Variants in IQCH observed in about 807,000 individuals in gnomAD.
IQCH encodes IQ motif containing H, also known as IQ domain-containing protein H.
A neutral mutation model predicts 117.0 loss-of-function variants in IQCH; 98 were observed. The observed-to-expected ratio is 0.84, with a 90% confidence interval of 0.71 to 0.99. The LOEUF (loss-of-function observed/expected upper bound fraction) is 0.99. IQCH is among the 50% of genes least tolerant of loss of function. The pLI, the probability that IQCH is intolerant of heterozygous loss-of-function variation, is 0.00. For synonymous variants in IQCH, 412 were observed against 448.2 expected (o/e 0.92, Z 1.02); for missense variants, 1,102 against 1,243.8 (o/e 0.89, Z 1.72).
chr15:67,266,819 T>C (rs541395578), intron 3 of IQCH, among the ~76,000 whole-genome samples: 30 of 152,334 alleles, frequency 2.0e-4, no homozygotes, highest in African/African-American at 7.2e-4. Flanking sequence ...CATCATCATT[T>C]TTACTTTCTA....
chr15:67,357,190 A>G (rs1248703142), intron 6 of IQCH, among the ~76,000 whole-genome samples, 155 bp from the exon 7 acceptor site: 3 of 152,230 alleles, frequency 2.0e-5, no homozygotes, highest in Non-Finnish European at 2.9e-5. Flanking sequence ...GTCAGTGATC[A>G]TAGCTGTTTC....
At chr15:67,435,003 T>G (rs1334266209) in intron 16 of IQCH, among the ~76,000 whole-genome samples, 1 of 145,796 alleles carries the variant, frequency 6.9e-6, no homozygotes, top group African/African-American at 2.5e-5. Context: ...TTTTTAATTT[T>G]TTTTAATTTT....
At chr15:67,323,605 A>G (rs1281858939) in intron 4 of IQCH, among the ~76,000 whole-genome samples, 2 of 152,108 alleles carry the variant, frequency 1.3e-5, no homozygotes, top group Non-Finnish European at 2.9e-5. Context: ...CTTTTAAACT[A>G]TACCTCTTCA....
rs577339572 is a variant in IQCH at position 67,473,209 on chromosome 15, G to A, written c.2677-2487G>A. Among the ~76,000 whole-genome samples the A allele has an allele frequency of 6.6e-6, 1 of 152,296 alleles. No homozygotes were observed. Among genetic ancestry groups the A allele is most frequent in the Admixed American group, 6.5e-5 (1 of 15,308 alleles). Reference sequence around the variant, plus strand: ...TCAGTAACCACAATGGAATTTGAGAGTGTTTACAGTTCACTTCCATGTGCA... The same window carrying A: ...TCAGTAACCACAATGGAATTTGAGAATGTTTACAGTTCACTTCCATGTGCA... On this transcript the variant is annotated intron_variant, in intron 17 of 20. Transcript: ENST00000335894. This position sits in a 1 kb window ranked among gnomAD's most constrained non-coding sequence, Gnocchi z 4.9.
chr15:67,459,087 G>A lies in IQCH; in HGVS notation c.2506-6040G>A, dbSNP rs369565549. Among the ~76,000 whole-genome samples, 10 of 152,160 alleles carry A rather than the reference G, an allele frequency of 6.6e-5. No individual in the cohort carries two copies. Among genetic ancestry groups the A allele is most frequent in the East Asian group, 3.8e-4 (2 of 5,202 alleles). ...TGATTAGTTAAGGAAAGTGTGGCCC[G>A]GAGAGGCAACTTCTTTTGGGTCACA... is the stretch of plus-strand genomic sequence containing the variant. On this transcript the variant is annotated intron_variant, in intron 16 of 20. Transcript: ENST00000335894. This position sits in a 1 kb window ranked among gnomAD's most constrained non-coding sequence, Gnocchi z 4.2.
chr15:67,372,765 T>A, intron 9 of IQCH, 103 bp downstream of exon 9: 1 of 981,818 alleles, frequency 1.0e-6, no homozygotes. Flanking sequence ...TCTTTCCAAC[T>A]ACTCTCCTTG....
rs899399969 is a variant in IQCH, at chr15:67,391,813, G to A, written c.1632+2807G>A. ...GAACACAATACTGTGGCAGCATCTT[G>A]CCTGGAGTCTAGGGCATGCCCGCAG... On this transcript the variant is annotated intron_variant, in intron 12 of 20. Coordinates refer to ENST00000335894, the MANE Select transcript of IQCH (RefSeq NM_001031715.3). This position sits in a 1 kb window ranked among gnomAD's most constrained non-coding sequence, Gnocchi z 4.3. 6.6e-6 allele frequency among the ~76,000 whole-genome samples: 1 copy of A among 152,150 alleles called. No homozygotes were observed. The highest frequency in any genetic ancestry group is 2.1e-4 in the South Asian group (1 of 4,828).
At position 67,416,552 on chromosome 15, in the gene IQCH, A is replaced by T. The variant is rs1042945363; in HGVS notation, c.2098-379A>T. Among the ~76,000 whole-genome samples the T allele has an allele frequency of 6.6e-6, 1 of 151,946 alleles. No individual in the cohort carries two copies. Among genetic ancestry groups the T allele is most frequent in the Admixed American group, 6.6e-5 (1 of 15,236 alleles). On this transcript the variant is annotated intron_variant, in intron 14 of 20. Transcript: ENST00000335894. The surrounding 1 kb of genome is among the most constrained non-coding windows in gnomAD (Gnocchi z 5.1). The stretch of plus-strand genomic sequence containing the variant: ...AAGAAAAAACAAAAAACAAAAACAA[A>T]AAAAACAGTTAACCCCACATTTTAT...
At chr15:67,277,190 C>T (rs1966158233) in intron 3 of IQCH, among the ~76,000 whole-genome samples, 1 of 152,230 alleles carries the variant, frequency 6.6e-6, no homozygotes, top group African/African-American at 2.4e-5. Flanking sequence ...TCTCTGCTTA[C>T]ATTACCCATC....
Position 67,381,305 on chromosome 15 carries a change from G to A in IQCH, c.1373-3631G>A, listed in dbSNP as rs150648949. Among the ~76,000 whole-genome samples the A allele has an allele frequency of 6.3e-4, 96 of 152,336 alleles. No individual in the cohort carries two copies. The highest frequency in any genetic ancestry group is 2.1e-3 in the African/African-American group (89 of 41,580). ...CCAGTAACCCTTGATGAGCAACCTT[G>A]GTTCAGTGGGGGACCAGAAGTAGTA... On this transcript the variant is annotated intron_variant, in intron 10 of 20. Transcript: ENST00000335894. This position sits in a 1 kb window ranked among gnomAD's most constrained non-coding sequence, Gnocchi z 5.1.
intron 4 of IQCH, among the ~76,000 whole-genome samples, chr15:67,298,783 A>G (rs549390215): frequency 1.4e-4 from 22 of 152,068 alleles, no homozygotes; most frequent in African/African-American, 5.3e-4. Context: ...CAAGAATCAC[A>G]TGAACCCGGG....
Position 67,366,171 on chromosome 15 carries a change from C to T in IQCH, c.754-5940C>T, listed in dbSNP as rs2140768490. ...TGTCTTTGCTCAGAGATCTGGGAAT[C>T]CAGGCTGCTTTTGATTCCCATCCTG... On this transcript the variant is annotated intron_variant, in intron 8 of 20. Transcript: ENST00000335894. This position sits in a 1 kb window ranked among gnomAD's most constrained non-coding sequence, Gnocchi z 4.4. Among the ~76,000 whole-genome samples, 1 of 152,256 alleles carries T rather than the reference C, an allele frequency of 6.6e-6. No individual in the cohort carries two copies.
rs570383463 is a variant in IQCH at position 67,475,612 on chromosome 15, G to A, written c.2677-84G>A. The A allele has an allele frequency of 1.5e-4, 184 of 1,252,834 alleles. No individual in the cohort carries two copies. In the African/African-American group the frequency reaches 1.6e-3, roughly 11 times the overall value. 77.6% of individuals were successfully genotyped at this position (1,252,834 alleles called of 1,614,324 possible). ...TATAGGAACTCTCAGAATTATCTTC[G>A]CAATTTTCCTGTTAATCTCAAGTAT... is the stretch of plus-strand genomic sequence containing the variant. On this transcript the variant is annotated intron_variant, in intron 17 of 20. Transcript: ENST00000335894. This position sits in a 1 kb window ranked among gnomAD's most constrained non-coding sequence, Gnocchi z 5.7.
rs1970466255 is a variant in IQCH at position 67,369,917 on chromosome 15, C to T, written c.754-2194C>T. 6.6e-6 allele frequency among the ~76,000 whole-genome samples: 1 copy of T among 152,198 alleles called. No homozygotes were observed. The highest frequency in any genetic ancestry group is 2.1e-4 in the South Asian group (1 of 4,830). ...TTAGCTGACTCCAAACCGATAGCTT[C>T]CCAGTGCCTGAGTGGTCTGTTTGAT... On this transcript the variant is annotated intron_variant, in intron 8 of 20. Coordinates refer to ENST00000335894, the MANE Select transcript of IQCH (RefSeq NM_001031715.3). The surrounding 1 kb of genome is among the most constrained non-coding windows in gnomAD (Gnocchi z 5.2).
At position 67,340,852 on chromosome 15, in the gene IQCH, G is replaced by C. The variant is rs567192366; in HGVS notation, c.509-3211G>C. ...GAGATAAGGAACTTCCTGAATTACA[G>C]ATACAAAGACATACAGATAGAGTGT... On this transcript the variant is annotated intron_variant, in intron 5 of 20. Coordinates refer to ENST00000335894, the MANE Select transcript of IQCH (RefSeq NM_001031715.3). Among the ~76,000 whole-genome samples, 81 of 152,280 alleles carry C rather than the reference G, an allele frequency of 5.3e-4. 3 individuals are homozygous for C. In the South Asian group the frequency reaches 0.016, roughly 30 times the overall value.
At chr15:67,483,875 G>C (rs1462035508) in intron 18 of IQCH, among the ~76,000 whole-genome samples, 2 of 152,106 alleles carry the variant, frequency 1.3e-5, no homozygotes, top group Non-Finnish European at 2.9e-5. Flanking sequence ...AAATCCAGAG[G>C]AAAAATATAA....
intron 14 of IQCH, among the ~76,000 whole-genome samples, chr15:67,400,684 G>C (rs999236398): frequency 6.6e-6 from 1 of 150,378 alleles, no homozygotes; most frequent in African/African-American, 2.4e-5. Flanking sequence ...TTATTGGGAC[G>C]GGGAGGGTCT....
rs910467603 is a variant in IQCH at position 67,431,680 on chromosome 15, GAATA to G, written c.2505+10104_2505+10107del. On this transcript the variant is annotated intron_variant, in intron 16 of 20. Transcript: ENST00000335894. The surrounding 1 kb of genome is among the most constrained non-coding windows in gnomAD (Gnocchi z 4.8). Reference sequence around the variant, plus strand: ...TGTTCTTTATATTTCACAGGAAATTGAATAGATATAAGGTTCATTAATTATCATA... The same window carrying G: ...TGTTCTTTATATTTCACAGGAAATTGGATATAAGGTTCATTAATTATCATA... Among the ~76,000 whole-genome samples the G allele has an allele frequency of 2.0e-5, 3 of 152,072 alleles. No homozygotes were observed. Among genetic ancestry groups the G allele is most frequent in the African/African-American group, 7.2e-5 (3 of 41,400 alleles).
In IQCH at chr15:67,308,689, G is replaced by A. The variant is rs146433139; in HGVS notation, c.388-28286G>A. ...CTAATATGGCAGTGAAGGTGGTGGT[G>A]GTGGTGGTGGAGGTGGTAGTGTATT... is the stretch of plus-strand genomic sequence containing the variant. On this transcript the variant is annotated intron_variant, in intron 4 of 20. Transcript: ENST00000335894. Among the ~76,000 whole-genome samples, 188 of 152,156 alleles carry A rather than the reference G, an allele frequency of 1.2e-3. 1 individual carries two copies. The highest frequency in any genetic ancestry group is 4.4e-3 in the African/African-American group (184 of 41,530).
Sources: gnomAD v4.1 joint callset for allele counts (sites outside exome capture counted in the v4.1 genomes callset) on GRCh38, gnomAD v4.1.1 for gene constraint, Gnocchi (gnomAD v3.1) non-coding constraint, MANE v1.5 for transcripts, NCBI Gene and HGNC (gene_info 2026-07-23, HGNC 2026-07-21) for gene names.